The following CSMD3 variants were observed in gnomAD, a reference collection of about 807,000 sequenced individuals.
CSMD3 encodes the protein CUB and sushi domain-containing protein 3.
CSMD3 carries 177 observed loss-of-function variants against 435.2 expected under a neutral mutation model. The ratio of observed to expected loss-of-function variants is 0.41; its 90% confidence interval spans 0.36 to 0.46. The LOEUF is 0.46. Among genes scored for constraint, CSMD3 ranks in the 20% least tolerant of loss-of-function variants. CSMD3 has a pLI of 0.34. For missense variants in CSMD3, 4,265 were observed against 4,504.6 expected (o/e 0.95, Z 1.52); for synonymous variants, 1,656 against 1,520.5 (o/e 1.09, Z -2.07).
At chr8:112,290,668 A>C (rs1224942558) in intron 56 of CSMD3, among the ~76,000 whole-genome samples, 1 of 152,046 alleles carries the variant, frequency 6.6e-6, no homozygotes, top group South Asian at 2.1e-4. Flanking sequence ...GCATAATCAT[A>C]AAATAATTTT....
intron 4 of CSMD3, among the ~76,000 whole-genome samples, chr8:113,102,009 G>C (rs1437555252): frequency 1.3e-5 from 2 of 152,040 alleles, no homozygotes; most frequent in African/African-American, 4.8e-5. Flanking sequence ...TAGTGGATTT[G>C]GGACAAGTAA....
chr8:112,635,587 T>G (rs1472939114), intron 22 of CSMD3, among the ~76,000 whole-genome samples: 1 of 152,068 alleles, frequency 6.6e-6, no homozygotes, highest in Admixed American at 6.6e-5. Flanking sequence ...ACCTCCCAAC[T>G]TCAAGCCTCT....
chr8:113,370,573 C>A lies in CSMD3; in HGVS notation c.179-55780G>T, dbSNP rs546201287. ...CCATTCACAAACACATTCATCCTAT[C>A]TTTCAAGATATATCCCCTGCACCCA... On this transcript the variant is annotated intron_variant, in intron 1 of 70. Transcript: ENST00000297405. Among the ~76,000 whole-genome samples the A allele has an allele frequency of 3.9e-5, 6 of 152,080 alleles. No homozygotes were observed. The East Asian group carries it at 9.6e-4, about 24-fold the overall frequency.
At chr8:112,965,995 C>T (rs1217016883) in intron 7 of CSMD3, among the ~76,000 whole-genome samples, 2 of 151,450 alleles carry the variant, frequency 1.3e-5, no homozygotes, top group African/African-American at 4.8e-5. Flanking sequence ...ACACAACTTT[C>T]CATTAAATAA....
intron 3 of CSMD3, among the ~76,000 whole-genome samples, chr8:113,271,286 G>A (rs1232801468): frequency 2.0e-5 from 3 of 152,136 alleles, no homozygotes; most frequent in Admixed American, 1.3e-4. Context: ...CAAGACAATG[G>A]GGAAAATATC....
chr8:113,366,439 A>G (rs1195661625), intron 1 of CSMD3, among the ~76,000 whole-genome samples: 1 of 152,032 alleles, frequency 6.6e-6, no homozygotes, highest in Admixed American at 6.6e-5. Flanking sequence ...ACCAAACCAA[A>G]TACCTTACTA....
intron 10 of CSMD3, among the ~76,000 whole-genome samples, chr8:112,912,276 T>C (rs2082443559): frequency 6.6e-6 from 1 of 151,558 alleles, no homozygotes; most frequent in African/African-American, 2.4e-5. Flanking sequence ...GATAAATATC[T>C]AGTAGCGGGA....
rs929134194 is a variant in CSMD3, at chr8:112,223,057, T to C, written c.*1714A>G. On this transcript the variant is annotated 3_prime_UTR_variant, in exon 71 of 71. Transcript: ENST00000297405. ...AGTGTATGCATTAATATAAGAGGAGTAGCCAGTTGCAGAAGAAACATTGTT... is the reference window on the plus strand; with the variant it reads ...AGTGTATGCATTAATATAAGAGGAGCAGCCAGTTGCAGAAGAAACATTGTT... 6 of 398,340 alleles carry C rather than the reference T, an allele frequency of 1.5e-5. No individual in the cohort carries two copies. The highest frequency in any genetic ancestry group is 1.2e-4 in the African/African-American group (6 of 48,558). 24.7% of individuals were successfully genotyped at this position (398,340 alleles called of 1,614,324 possible).
intron 59 of CSMD3, among the ~76,000 whole-genome samples, chr8:112,277,290 C>T (rs1165737486): frequency 2.6e-5 from 4 of 152,112 alleles, no homozygotes; most frequent in Non-Finnish European, 5.9e-5. Context: ...TAAATCATCT[C>T]CCTCAAGTTC....
intron 5 of CSMD3, among the ~76,000 whole-genome samples, chr8:113,066,175 A>C (rs1341452730): frequency 6.6e-6 from 1 of 151,480 alleles, no homozygotes; most frequent in Non-Finnish European, 1.5e-5. Context: ...AAAGCGAGAC[A>C]AATTGTTTGG....
chr8:112,855,851 G>A (rs2080643008), intron 11 of CSMD3, among the ~76,000 whole-genome samples: 2 of 148,950 alleles, frequency 1.3e-5, no homozygotes, highest in Admixed American at 6.7e-5. Context: ...TGTCCCTGAG[G>A]AGCTATGAAT....
chr8:113,094,560 G>C (rs561246286), intron 5 of CSMD3, among the ~76,000 whole-genome samples: 2 of 152,016 alleles, frequency 1.3e-5, no homozygotes, highest in Non-Finnish European at 2.9e-5. Flanking sequence ...TTCTTCTCAC[G>C]CTACTAATCT....
At chr8:113,249,605 T>C (rs1466635596) in intron 3 of CSMD3, among the ~76,000 whole-genome samples, 1 of 152,078 alleles carries the variant, frequency 6.6e-6, no homozygotes, top group East Asian at 1.9e-4. Flanking sequence ...TTCAGTGGTG[T>C]AAATCTGGTT....
Position 112,640,452 on chromosome 8 carries a change from G to A in CSMD3, c.3311-1541C>T, listed in dbSNP as rs866099375. Among the ~76,000 whole-genome samples the A allele has an allele frequency of 2.0e-5, 3 of 151,950 alleles. 1 individual carries two copies. Among genetic ancestry groups the A allele is most frequent in the Non-Finnish European group, 4.4e-5 (3 of 67,956 alleles). On this transcript the variant is annotated intron_variant, in intron 20 of 70. Coordinates refer to ENST00000297405, the MANE Select transcript of CSMD3 (RefSeq NM_198123.2). ...TTAAAAAAAAGGGGACAGAAAATGA[G>A]ACCAAAACAAATGATTGAAAACACA...
At chr8:112,813,543 C>A (rs764806599) in intron 12 of CSMD3, among the ~76,000 whole-genome samples, 3 of 151,664 alleles carry the variant, frequency 2.0e-5, no homozygotes, top group Non-Finnish European at 2.9e-5. Flanking sequence ...TTTAGTTTTG[C>A]GGGAGGGGGA....
chr8:112,756,872 G>A (rs750839686), intron 13 of CSMD3, among the ~76,000 whole-genome samples: 17 of 151,408 alleles, frequency 1.1e-4, no homozygotes, highest in East Asian at 1.9e-4. Context: ...GGGTTCAAGC[G>A]ATTCTACTGC....
intron 1 of CSMD3, among the ~76,000 whole-genome samples, chr8:113,337,189 A>C (rs2094082722): frequency 6.6e-6 from 1 of 152,134 alleles, no homozygotes; most frequent in Non-Finnish European, 1.5e-5. Context: ...GAGAACTAGC[A>C]AAATGTTGTT....
chr8:112,582,433 A>G (rs1305369181), intron 23 of CSMD3, among the ~76,000 whole-genome samples: 1 of 151,872 alleles, frequency 6.6e-6, no homozygotes, highest in Non-Finnish European at 1.5e-5. Flanking sequence ...GAGGCCTAAT[A>G]TAGCATGCTT....
intron 10 of CSMD3, among the ~76,000 whole-genome samples, chr8:112,891,239 C>T (rs1587594316): frequency 6.6e-6 from 1 of 151,484 alleles, no homozygotes; most frequent in East Asian, 2.0e-4. Context: ...AGTCTAGGTT[C>T]TTACTGAGTT....
Sources: allele counts gnomAD v4.1 joint callset (sites outside exome capture counted in the v4.1 genomes callset), GRCh38; gene constraint gnomAD v4.1.1; transcripts MANE v1.5; gene names NCBI Gene and HGNC (gene_info 2026-07-23, HGNC 2026-07-21).